The following GNB1L variants were observed in gnomAD, a reference collection of about 807,000 sequenced individuals.
GNB1L encodes the protein guanine nucleotide-binding protein subunit beta-like protein 1.
Under a neutral mutation model 29.1 loss-of-function variants are expected in GNB1L, and 20 were observed. The observed-to-expected ratio is 0.69, with a 90% CI of 0.48 to 1.00. The LOEUF (loss-of-function observed/expected upper bound fraction) is 1.00, where lower values mean the gene tolerates loss of function less well. Among genes scored for constraint, GNB1L ranks in the 50% least tolerant of loss-of-function variants. The pLI, the probability that GNB1L is intolerant of heterozygous loss-of-function variation, is 0.00. For missense variants in GNB1L, 421 were observed against 464.9 expected, an observed-to-expected ratio of 0.91 and a Z score of 0.87; for synonymous variants, 193 against 206.5, an observed-to-expected ratio of 0.93 and a Z score of 0.56.
intron 4 of GNB1L, among the ~76,000 whole-genome samples, chr22:19,813,423 C>T (rs5993843): frequency 0.018 from 2,680 of 152,232 alleles, 74 homozygotes; most frequent in African/African-American, 0.061. Flanking sequence ...AGTGGCTCAA[C>T]GCCTGTACTC....
At position 19,821,823 on chromosome 22, in the gene GNB1L, G is replaced by A. The variant is rs144147345; in HGVS notation, c.-20-448C>T. Among the ~76,000 whole-genome samples the A allele has an allele frequency of 5.5e-3, 832 of 152,292 alleles. 7 individuals carry two copies. Among genetic ancestry groups the A allele is most frequent in the African/African-American group, 0.019 (795 of 41,564 alleles). On this transcript the variant is annotated intron_variant, in intron 2 of 7. Transcript: ENST00000329517. ...CCCTCTGGCTCCCCAGATCCCAGGGGCCACACCAGTGCTTTCCCACTCTGG... is the reference window on the plus strand; with the variant it reads ...CCCTCTGGCTCCCCAGATCCCAGGGACCACACCAGTGCTTTCCCACTCTGG...
intron 7 of GNB1L, among the ~76,000 whole-genome samples, chr22:19,799,307 C>T (rs1937341356): frequency 6.6e-6 from 1 of 152,250 alleles, no homozygotes; most frequent in Non-Finnish European, 1.5e-5. Context: ...ACAACACAGG[C>T]TCTAACTGTG....
chr22:19,852,565 C>T (rs966010589), intron 2 of GNB1L: 8 of 356,140 alleles, frequency 2.2e-5, no homozygotes, highest in Non-Finnish European at 4.1e-5. Context: ...AGGCTACAAG[C>T]GGGCAACCCT....
rs534302372 is a variant in GNB1L, at chr22:19,833,814, C to T, written c.-20-12439G>A. ...CTGGGAGGCGGAGGTTGCCGTGAGC[C>T]GATATCATACCACGGCACTCCAGCC... On this transcript the variant is annotated intron_variant, in intron 2 of 7. Coordinates refer to ENST00000329517, the MANE Select transcript of GNB1L (RefSeq NM_053004.3). 1.5e-3 allele frequency among the ~76,000 whole-genome samples: 229 copies of T among 151,662 alleles called. 2 individuals carry two copies. The highest frequency in any genetic ancestry group is 5.2e-3 in the African/African-American group (215 of 41,322).
At chr22:19,850,864 T>C in intron 2 of GNB1L, 3 of 1,319,910 alleles carry the variant, frequency 2.3e-6, no homozygotes, top group Non-Finnish European at 1.9e-6. Flanking sequence ...CTGCTGAGAG[T>C]TGATCTACAA....
At chr22:19,852,950 T>C (rs1323260833) in intron 2 of GNB1L, among the ~76,000 whole-genome samples, 1 of 152,114 alleles carries the variant, frequency 6.6e-6, no homozygotes, top group Non-Finnish European at 1.5e-5. Flanking sequence ...TAAACTACAT[T>C]TGTCTGCTGA....
chr22:19,819,615 C>T (rs1447612682), intron 4 of GNB1L, among the ~76,000 whole-genome samples: 1 of 152,182 alleles, frequency 6.6e-6, no homozygotes, highest in Non-Finnish European at 1.5e-5. Flanking sequence ...ACCATGGGGG[C>T]ACCCAGAAAC....
chr22:19,812,957 G>A (rs1357503052), intron 4 of GNB1L, among the ~76,000 whole-genome samples: 2 of 152,248 alleles, frequency 1.3e-5, no homozygotes, highest in African/African-American at 2.4e-5. Context: ...TCAGAGGGGT[G>A]CAGGTTACAG....
intron 4 of GNB1L, among the ~76,000 whole-genome samples, chr22:19,815,005 C>T (rs1432634987): frequency 1.3e-5 from 2 of 151,018 alleles, no homozygotes; most frequent in Non-Finnish European, 2.9e-5. Context: ...CACTGCACTC[C>T]AGCCTTGGTG....
chr22:19,821,658 G>A (rs987628279), intron 2 of GNB1L, among the ~76,000 whole-genome samples: 1 of 152,154 alleles, frequency 6.6e-6, no homozygotes, highest in Non-Finnish European at 1.5e-5. Context: ...AGCCCTCCTC[G>A]CACCGTGCCT....
rs1169731962 is a variant in GNB1L at position 19,786,934 on chromosome 22, C to T, written c.*1775G>A. On this transcript the variant is annotated 3_prime_UTR_variant, in exon 8 of 8. Coordinates refer to ENST00000329517, the MANE Select transcript of GNB1L (RefSeq NM_053004.3). ...CAGCAGGGCCCCCCTCTCCAAAGGT[C>T]CTGGGCACCTGGTGGCCACCCTTGT... 6.6e-6 allele frequency: 1 copy of T among 152,242 alleles called. No individual in the cohort carries two copies. Among genetic ancestry groups the T allele is most frequent in the Non-Finnish European group, 1.5e-5 (1 of 68,056 alleles). 9.4% of individuals were successfully genotyped at this position (152,242 alleles called of 1,614,324 possible).
At chr22:19,833,763 G>A (rs1451117361) in intron 2 of GNB1L, among the ~76,000 whole-genome samples, 2 of 152,090 alleles carry the variant, frequency 1.3e-5, no homozygotes, top group African/African-American at 4.8e-5. Flanking sequence ...TTACTTGGGA[G>A]GCTGAGGCAG....
intron 2 of GNB1L, among the ~76,000 whole-genome samples, chr22:19,825,219 C>T (rs530708575): frequency 9.2e-5 from 14 of 152,358 alleles, no homozygotes; most frequent in African/African-American, 3.4e-4. Context: ...CCCGAGGAAG[C>T]TCCAGCCCAT....
At chr22:19,836,345 A>G (rs976899702) in intron 2 of GNB1L, among the ~76,000 whole-genome samples, 3 of 152,220 alleles carry the variant, frequency 2.0e-5, no homozygotes, top group African/African-American at 7.2e-5. Context: ...GAAGACCTGA[A>G]TAGTCCTGTA....
chr22:19,793,402 G>GA lies in GNB1L; in HGVS notation c.733-4443dup, dbSNP rs537205774. 3.4e-3 allele frequency among the ~76,000 whole-genome samples: 516 copies of GA among 152,022 alleles called. 4 individuals are homozygous for GA. The highest frequency in any genetic ancestry group is 0.012 in the African/African-American group (503 of 41,510). On this transcript the variant is annotated intron_variant, in intron 7 of 7. Coordinates refer to ENST00000329517, the MANE Select transcript of GNB1L (RefSeq NM_053004.3). ...ACAGACATTGCCCAATCTGAAGAGA[G>GA]AAAAAACGACTGAACCAAAACAAAC... is the stretch of plus-strand genomic sequence containing the variant.
At chr22:19,795,839 A>G (rs5748432) in intron 7 of GNB1L, among the ~76,000 whole-genome samples, 64,841 of 152,036 alleles carry the variant, frequency 0.43, 14,666 homozygotes, top group East Asian at 0.58. Context: ...ACGGCCCCTC[A>G]GCATCCAGGC....
chr22:19,799,911 C>T (rs944234056), intron 7 of GNB1L, among the ~76,000 whole-genome samples: 5 of 152,198 alleles, frequency 3.3e-5, no homozygotes, highest in African/African-American at 4.8e-5. Context: ...CAGAGGGTGG[C>T]GCATCAGCCT....
At chr22:19,837,163 T>C (rs1429347274) in intron 2 of GNB1L, among the ~76,000 whole-genome samples, 3 of 152,130 alleles carry the variant, frequency 2.0e-5, no homozygotes, top group African/African-American at 7.2e-5. Context: ...AGACGGGGTC[T>C]CACCGTGTTA....
intron 7 of GNB1L, among the ~76,000 whole-genome samples, chr22:19,800,167 G>A (rs931300302): frequency 6.6e-6 from 1 of 152,170 alleles, no homozygotes. Flanking sequence ...TCATCAATCC[G>A]GTCAAGTTCA....
Sources: allele counts gnomAD v4.1 joint callset (sites outside exome capture counted in the v4.1 genomes callset), GRCh38; gene constraint gnomAD v4.1.1; transcripts MANE v1.5; gene names NCBI Gene and HGNC (gene_info 2026-07-23, HGNC 2026-07-21).